Variants in UNC13B observed in about 807,000 individuals in gnomAD.
UNC13B encodes protein unc-13 homolog B.
Under a neutral mutation model 211.0 loss-of-function variants are expected in UNC13B, and 144 were observed. That is an observed-to-expected ratio of 0.68 (90% CI 0.60 to 0.78). The LOEUF (loss-of-function observed/expected upper bound fraction) is 0.78, where lower values mean the gene tolerates loss of function less well. UNC13B is among the 30% of genes least tolerant of loss of function. The pLI is 0.00. For missense variants in UNC13B, 1,777 were observed against 2,002.0 expected (o/e 0.89, Z 2.14); for synonymous variants, 709 against 725.8 (o/e 0.98, Z 0.37).
chr9:35,376,645 A>T (rs1295299856), intron 15 of UNC13B, among the ~76,000 whole-genome samples: 1 of 152,224 alleles, frequency 6.6e-6, no homozygotes, highest in Non-Finnish European at 1.5e-5. Context: ...CCCACAGAGG[A>T]ACCTCCTAAA....
At chr9:35,348,274 A>G (rs979504550) in intron 11 of UNC13B, among the ~76,000 whole-genome samples, 17 of 152,274 alleles carry the variant, frequency 1.1e-4, no homozygotes, top group South Asian at 4.1e-4. Flanking sequence ...AGACCTGGCA[A>G]TGAATTCTGG....
chr9:35,398,758 C>T, intron 32 of UNC13B, 116 bp downstream of exon 32: 1 of 1,560,642 alleles, frequency 6.4e-7, no homozygotes, highest in Non-Finnish European at 8.7e-7. Flanking sequence ...TCCCTGTACT[C>T]CTGCTGACTG....
At chr9:35,402,701 G>A (rs1459661089) in intron 37 of UNC13B, among the ~76,000 whole-genome samples, 3 of 152,080 alleles carry the variant, frequency 2.0e-5, no homozygotes, top group Admixed American at 6.5e-5. Flanking sequence ...GGGGGATGAA[G>A]TATTTCAGAG....
chr9:35,234,839 C>T (rs1272451178), intron 3 of UNC13B, among the ~76,000 whole-genome samples: 1 of 152,128 alleles, frequency 6.6e-6, no homozygotes, highest in Non-Finnish European at 1.5e-5. Flanking sequence ...CATTCTATAT[C>T]TCAAACTTGT....
chr9:35,265,774 C>T (rs1827535547), intron 7 of UNC13B, among the ~76,000 whole-genome samples: 1 of 152,044 alleles, frequency 6.6e-6, no homozygotes, highest in African/African-American at 2.4e-5. Context: ...CCCATCTCTA[C>T]AATTAAAAAC....
rs746038695 is a variant in UNC13B at position 35,382,395 on chromosome 9, G to A, written c.10694G>A (p.Gly3565Asp). The A allele has an allele frequency of 9.9e-6, 16 of 1,613,856 alleles. 1 individual carries two copies. The East Asian group carries it at 3.3e-4, about 34-fold the overall frequency. The change falls in exon 21 of 40, where the codon GGT becomes GAT. Residue 3565 changes from glycine to aspartate, a missense_variant. Coordinates refer to ENST00000635942, the MANE Select transcript of UNC13B (RefSeq NM_001371189.2). ...TTATCATCCAAGTACATGTGTCCTG[G>A]TGTGCCAGCAGTGATGAGCACCTTA... ...ACLSSKYMCPGVPAVMSTLLA... is the reference protein window; with the variant it reads ...ACLSSKYMCPDVPAVMSTLLA...
chr9:35,300,065 C>A (rs1227657494), intron 8 of UNC13B, 101 bp from the exon 9 acceptor site: 6 of 397,310 alleles, frequency 1.5e-5, no homozygotes, highest in Non-Finnish European at 2.2e-5. Context: ...CTACAGCCAA[C>A]AAAAACAACC....
chr9:35,362,795 G>A (rs1174168899), intron 11 of UNC13B, among the ~76,000 whole-genome samples: 4 of 120,528 alleles, frequency 3.3e-5, no homozygotes, highest in East Asian at 2.5e-4. Flanking sequence ...GCGAGACTCC[G>A]TCTCAAAAAA....
At chr9:35,203,719 A>G (rs1373977362) in intron 1 of UNC13B, among the ~76,000 whole-genome samples, 1 of 152,246 alleles carries the variant, frequency 6.6e-6, no homozygotes, top group African/African-American at 2.4e-5. Context: ...AACAGCCTGC[A>G]TTCATATGCA....
chr9:35,282,600 T>C (rs1411107599), intron 7 of UNC13B, among the ~76,000 whole-genome samples: 2 of 151,724 alleles, frequency 1.3e-5, no homozygotes, highest in Non-Finnish European at 2.9e-5. Context: ...CCCGGATAAT[T>C]TTTTTTGTAT....
intron 7 of UNC13B, among the ~76,000 whole-genome samples, chr9:35,259,268 C>T (rs903823906): frequency 6.6e-6 from 1 of 152,086 alleles, no homozygotes; most frequent in Non-Finnish European, 1.5e-5. Flanking sequence ...TAGGGCTCAT[C>T]TTTTTTTCTA....
At chr9:35,317,518 C>CTT (rs748345363) in intron 11 of UNC13B, among the ~76,000 whole-genome samples, 29 of 97,638 alleles carry the variant, frequency 3.0e-4, no homozygotes, top group African/African-American at 4.3e-4. Flanking sequence ...GCTAAAGAAG[C>CTT]TTTTTTTTTT....
chr9:35,328,756 C>A lies in UNC13B; in HGVS notation c.9414+14767C>A, dbSNP rs1218813736. ...TCCTTTCCTTCTTTTCTTTTCCTTT[C>A]TTTTCCTTCCCTTTCCCTTTCCTTT... On this transcript the variant is annotated intron_variant, in intron 11 of 39. Coordinates refer to ENST00000635942, the MANE Select transcript of UNC13B (RefSeq NM_001371189.2). Among the ~76,000 whole-genome samples, 4 of 146,442 alleles carry A rather than the reference C, an allele frequency of 2.7e-5. No homozygotes were observed. In the East Asian group the frequency reaches 8.2e-4, roughly 30 times the overall value.
chr9:35,335,244 A>C (rs1348781602), intron 11 of UNC13B, among the ~76,000 whole-genome samples: 2 of 152,236 alleles, frequency 1.3e-5, no homozygotes, highest in Non-Finnish European at 2.9e-5. Context: ...GAAATGGCCA[A>C]GAAATAAAAT....
At chr9:35,233,089 C>T (rs539123879) in intron 3 of UNC13B, among the ~76,000 whole-genome samples, 16 of 152,174 alleles carry the variant, frequency 1.1e-4, no homozygotes, top group South Asian at 8.3e-4. Context: ...GATATGAGAC[C>T]GAGAGCACCT....
intron 7 of UNC13B, among the ~76,000 whole-genome samples, chr9:35,282,557 G>C (rs1447778529): frequency 6.6e-6 from 1 of 152,028 alleles, no homozygotes; most frequent in African/African-American, 2.4e-5. Context: ...TTAGCCTCCT[G>C]AGTAGCTAGG....
chr9:35,404,019 G>A lies in UNC13B; in HGVS notation c.13009G>A (p.Glu4337Lys), dbSNP rs773596841. 2.8e-5 allele frequency: 45 copies of A among 1,613,060 alleles called. No individual in the cohort carries two copies. Among genetic ancestry groups the A allele is most frequent in the Non-Finnish European group, 3.6e-5 (42 of 1,179,848 alleles). ...VKLKSESRST[E>K]EGS ...ACTCAAATCAGAGTCTCGTTCCACGGAGGAGGGGAGCTGAACACCTTCGAC... is the reference window on the plus strand; with the variant it reads ...ACTCAAATCAGAGTCTCGTTCCACGAAGGAGGGGAGCTGAACACCTTCGAC... The change falls in exon 40 of 40, where the codon GAG (glutamate) becomes AAG (lysine). Residue 4337 changes from glutamate to lysine, a missense_variant. Coordinates refer to ENST00000635942, the MANE Select transcript of UNC13B (RefSeq NM_001371189.2).
At position 35,374,339 on chromosome 9, in the gene UNC13B, C is replaced by T. The variant is rs1019248113; in HGVS notation, c.9541-788C>T. 2.3e-5 allele frequency among the ~76,000 whole-genome samples: 3 copies of T among 127,784 alleles called. 1 individual carries two copies. The highest frequency in any genetic ancestry group is 1.0e-4 in the African/African-American group (3 of 28,716). 83.8% of individuals were successfully genotyped at this position (127,784 alleles called of 152,430 possible). On this transcript the variant is annotated intron_variant, in intron 13 of 39. Coordinates refer to ENST00000635942, the MANE Select transcript of UNC13B (RefSeq NM_001371189.2). The stretch of plus-strand genomic sequence containing the variant: ...CAGCTCTCAGACTTAACTCTCTGGG[C>T]TTGGCATATACATCGGGCCCTGTGC...
intron 1 of UNC13B, among the ~76,000 whole-genome samples, chr9:35,174,917 C>T (rs184966424): frequency 6.6e-6 from 1 of 152,090 alleles, no homozygotes; most frequent in East Asian, 1.9e-4. Flanking sequence ...AGGTGATCCA[C>T]ACGCCTCAGC....
Sources: allele counts gnomAD v4.1 joint callset (sites outside exome capture counted in the v4.1 genomes callset), GRCh38; gene constraint gnomAD v4.1.1; transcripts MANE v1.5; gene names NCBI Gene and HGNC (gene_info 2026-07-23, HGNC 2026-07-21).